Variants in ARFGEF3 observed in about 807,000 individuals in gnomAD.
The protein encoded by ARFGEF3 is ARFGEF family member 3.
In ARFGEF3, 96 loss-of-function variants were observed where a neutral mutation model predicts 221.7. That is an observed-to-expected ratio of 0.43 (90% confidence interval 0.37 to 0.51). The LOEUF (loss-of-function observed/expected upper bound fraction) is 0.51, where lower values mean the gene tolerates loss of function less well. ARFGEF3 is among the 20% of genes least tolerant of loss of function. ARFGEF3 has a pLI of 0.00. For synonymous variants in ARFGEF3, 1,145 were observed against 1,126.8 expected (o/e 1.02, Z -0.32); for missense variants, 2,410 against 2,789.9 (o/e 0.86, Z 3.07).
chr6:138,318,636 G>A (rs1779968230), intron 27 of ARFGEF3, among the ~76,000 whole-genome samples: 1 of 152,108 alleles, frequency 6.6e-6, no homozygotes, highest in Non-Finnish European at 1.5e-5. Flanking sequence ...CATTCCAAAA[G>A]TCCTAAAAGG....
chr6:138,223,542 C>G (rs938554874), intron 4 of ARFGEF3, among the ~76,000 whole-genome samples: 1 of 152,066 alleles, frequency 6.6e-6, no homozygotes, highest in African/African-American at 2.4e-5. Context: ...AAAAATGAAA[C>G]CACAGTTCCC....
chr6:138,312,461 C>T (rs539123151), intron 25 of ARFGEF3, among the ~76,000 whole-genome samples: 6 of 152,068 alleles, frequency 3.9e-5, no homozygotes, highest in Admixed American at 6.5e-5. Context: ...CCATATGACG[C>T]GACCCCTGCC....
chr6:138,178,554 G>T (rs6904893), intron 2 of ARFGEF3, among the ~76,000 whole-genome samples: 2 of 151,922 alleles, frequency 1.3e-5, no homozygotes, highest in African/African-American at 2.4e-5. Flanking sequence ...TAATCCTGTC[G>T]TGAAGCTCAT....
At chr6:138,182,173 A>T (rs1243546161) in intron 2 of ARFGEF3, among the ~76,000 whole-genome samples, 1 of 152,246 alleles carries the variant, frequency 6.6e-6, no homozygotes, top group Non-Finnish European at 1.5e-5. Context: ...TCCTTGAGCC[A>T]GTCCAGGGCA....
chr6:138,319,866 C>A lies in ARFGEF3; in HGVS notation c.4638C>A (p.Ser1546Arg). The A allele has an allele frequency of 6.2e-7, 1 of 1,613,834 alleles. No homozygotes were observed. Among genetic ancestry groups the A allele is most frequent in the Non-Finnish European group, 8.5e-7 (1 of 1,179,828 alleles). Reference protein sequence around the residue: ...SCELVVEHIQSFLHSDIRYES... With the variant: ...SCELVVEHIQRFLHSDIRYES... The stretch of plus-strand genomic sequence containing the variant: ...AGCTGGTGGTGGAGCACATTCAAAG[C>A]TTTCTACATTCAGGTATCTGAAGTG... The change falls in exon 28 of 34, where the codon AGC becomes AGA. Residue 1546 changes from serine (S) to arginine (R), a missense_variant. Ser to Arg is a moderately radical substitution (Grantham distance 110, BLOSUM62 -1). Transcript: ENST00000251691.
chr6:138,190,078 T>A (rs1777269031), intron 2 of ARFGEF3, among the ~76,000 whole-genome samples: 1 of 151,896 alleles, frequency 6.6e-6, no homozygotes, highest in Non-Finnish European at 1.5e-5. Context: ...GACAAGATTC[T>A]GTCTCAAAAA....
At chr6:138,253,547 T>C (rs1778618088) in intron 8 of ARFGEF3, among the ~76,000 whole-genome samples, 1 of 152,208 alleles carries the variant, frequency 6.6e-6, no homozygotes, top group Non-Finnish European at 1.5e-5. Flanking sequence ...CTTCACACTG[T>C]CTTCCCTCAG....
intron 5 of ARFGEF3, 85 bp downstream of exon 5, chr6:138,229,937 G>A: frequency 9.3e-7 from 1 of 1,077,060 alleles, no homozygotes; most frequent in Non-Finnish European, 1.4e-6. Flanking sequence ...CTAAGCCCCA[G>A]CACTGGAGTG....
chr6:138,319,822 G>C lies in ARFGEF3; in HGVS notation c.4594G>C (p.Ala1532Pro). 6.2e-7 allele frequency: 1 copy of C among 1,613,998 alleles called. No individual in the cohort carries two copies. The highest frequency in any genetic ancestry group is 2.2e-5 in the East Asian group (1 of 44,882). Reference protein sequence around the residue: ...WDMASANFKHAIGLSCELVVE... With the variant: ...WDMASANFKHPIGLSCELVVE... ...TATGGCCTCTGCCAATTTCAAGCAC[G>C]CTATTGGTCTGTCCTGTGAGCTGGT... is the stretch of plus-strand genomic sequence containing the variant. Residue 1532 changes from alanine (A) to proline (P), a missense_variant, in exon 28 of 34, where the codon GCT (alanine) becomes CCT (proline). Physicochemically the swap from Ala to Pro is conservative, Grantham distance 27 (BLOSUM62 -1). This residue lies in a region of ARFGEF3 where 723 missense variants were observed against 991.9 expected (regional missense o/e 0.73). Transcript: ENST00000251691.
At position 138,254,318 on chromosome 6, in the gene ARFGEF3, C is replaced by T. The variant is rs933836098; in HGVS notation, c.770+334C>T. Among the ~76,000 whole-genome samples, 15 of 151,022 alleles carry T rather than the reference C, an allele frequency of 9.9e-5. No homozygotes were observed. In the East Asian group the frequency reaches 2.5e-3, roughly 25 times the overall value. On this transcript the variant is annotated intron_variant, in intron 9 of 33. Coordinates refer to ENST00000251691, the MANE Select transcript of ARFGEF3 (RefSeq NM_020340.5). ...CCTGTAATCCCAGCTTCTTGGAAGG[C>T]AGAGGCATGAGAATTGCTTCAACCT...
intron 12 of ARFGEF3, among the ~76,000 whole-genome samples, chr6:138,272,219 G>A (rs752244975): frequency 1.4e-4 from 22 of 152,132 alleles, no homozygotes; most frequent in African/African-American, 3.6e-4. Context: ...GCAGTGGCAC[G>A]ATCTCGGCTC....
intron 4 of ARFGEF3, among the ~76,000 whole-genome samples, chr6:138,221,871 T>TA (rs1777988874): frequency 2.0e-5 from 3 of 152,318 alleles, no homozygotes; most frequent in South Asian, 4.1e-4. Context: ...ATCTGTTGAC[T>TA]AAAAAATCTC....
chr6:138,171,175 T>G (rs944807907), intron 2 of ARFGEF3, among the ~76,000 whole-genome samples: 6 of 151,712 alleles, frequency 4.0e-5, no homozygotes, highest in African/African-American at 1.2e-4. Flanking sequence ...AGCATAGCAT[T>G]TTACTTGCTG....
In ARFGEF3 at chr6:138,261,608, A is replaced by G. The variant is rs775186738; in HGVS notation, c.1186A>G (p.Lys396Glu). 9 of 1,568,426 alleles carry G rather than the reference A, an allele frequency of 5.7e-6. No homozygotes were observed. The highest frequency in any genetic ancestry group is 1.4e-5 in the African/African-American group (1 of 73,844). Residue 396 changes from lysine (K) to glutamate (E), a missense_variant, in exon 11 of 34, where the codon AAA (lysine) becomes GAA (glutamate). Around this residue, in one of 5 missense-constraint regions of ARFGEF3, gnomAD observed 570 missense variants for 586.9 expected, o/e 0.97. Coordinates refer to ENST00000251691, the MANE Select transcript of ARFGEF3 (RefSeq NM_020340.5). ...AGAGTCCAGAAAAAGATCAATTTCA[A>G]AAAGAAAGTCTCATCTGGATCTCCT... ...ESESRKRSISKRKSHLDLLKL... is the reference protein window; with the variant it reads ...ESESRKRSISERKSHLDLLKL...
At chr6:138,174,754 T>C (rs1776904887) in intron 2 of ARFGEF3, among the ~76,000 whole-genome samples, 2 of 152,200 alleles carry the variant, frequency 1.3e-5, no homozygotes, top group South Asian at 2.1e-4. Flanking sequence ...TAATCTTGAA[T>C]ACCTTTGCTC....
chr6:138,245,520 A>G lies in ARFGEF3; in HGVS notation c.594A>G (p.Thr198=), dbSNP rs764341705. The G allele has an allele frequency of 6.2e-7, 1 of 1,610,626 alleles. No individual in the cohort carries two copies. Residue 198 remains threonine, a synonymous_variant, in exon 8 of 34, where the codon ACA becomes ACG. Coordinates refer to ENST00000251691, the MANE Select transcript of ARFGEF3 (RefSeq NM_020340.5). The stretch of plus-strand genomic sequence containing the variant: ...ACCTCCTCTGTTTTGAAGGGTCAAC[A>G]GTAGAGTCCCTCTGTGATGATGTTG... ...VPQDFGNQGS[T]VESLCDDVVS...
intron 8 of ARFGEF3, among the ~76,000 whole-genome samples, chr6:138,253,137 T>C (rs1030271618): frequency 6.6e-6 from 1 of 152,210 alleles, no homozygotes; most frequent in African/African-American, 2.4e-5. Context: ...TTAGATAATA[T>C]AAAAATTAGC....
rs768812205 is a variant in ARFGEF3 at position 138,278,543 on chromosome 6, G to A, written c.2221G>A (p.Ala741Thr). The part of the protein sequence containing the change: ...ADSLYTAAHC[A>T]LLLNLKLSHG... Reference sequence around the variant, plus strand: ...CAGCCTCTACACAGCTGCACACTGCGCCCTGCTCCTCAACCTGAAGCTCTC... The same window carrying A: ...CAGCCTCTACACAGCTGCACACTGCACCCTGCTCCTCAACCTGAAGCTCTC... The change falls in exon 13 of 34, where the codon GCC becomes ACC. Residue 741 changes from alanine to threonine, a missense_variant. This residue lies in a region of ARFGEF3 where 594 missense variants were observed against 734.3 expected (regional missense o/e 0.81). Coordinates refer to ENST00000251691, the MANE Select transcript of ARFGEF3 (RefSeq NM_020340.5). 37 of 1,613,782 alleles carry A rather than the reference G, an allele frequency of 2.3e-5. No individual in the cohort carries two copies. The highest frequency in any genetic ancestry group is 3.0e-5 in the Non-Finnish European group (35 of 1,179,888).
At chr6:138,265,182 C>T (rs1347845866) in intron 12 of ARFGEF3, among the ~76,000 whole-genome samples, 5 of 152,086 alleles carry the variant, frequency 3.3e-5, no homozygotes, top group Admixed American at 6.6e-5. Flanking sequence ...GGATTACAGG[C>T]ATGAGCCACT....
Sources: allele counts gnomAD v4.1 joint callset (sites outside exome capture counted in the v4.1 genomes callset), GRCh38; gene constraint gnomAD v4.1.1; regional missense constraint gnomAD v4.1.1; transcripts MANE v1.5; gene names NCBI Gene and HGNC (gene_info 2026-07-23, HGNC 2026-07-21).